The following UPP2 variants were observed in gnomAD, a reference collection of about 807,000 sequenced individuals.
UPP2 encodes UPase 2.
In UPP2, 23 loss-of-function variants were observed where a neutral mutation model predicts 26.7. That is an observed-to-expected ratio of 0.86 (90% CI 0.62 to 1.22). The LOEUF (loss-of-function observed/expected upper bound fraction) is 1.22. Among genes scored for constraint, UPP2 ranks in the 50% most tolerant of loss-of-function variants. The probability of loss-of-function intolerance (pLI) is 0.00; values close to 1 mark genes in which losing one functional copy is unlikely to be tolerated. For synonymous variants in UPP2, 127 were observed against 141.3 expected (o/e 0.90, Z 0.72); for missense variants, 387 against 396.7 (o/e 0.98, Z 0.21).
At chr2:158,020,096 A>T (rs1016975751) in intron 3 of UPP2, among the ~76,000 whole-genome samples, 9 of 152,188 alleles carry the variant, frequency 5.9e-5, no homozygotes, top group African/African-American at 2.2e-4. Flanking sequence ...TTAAAATATT[A>T]ATGCATTAAA....
At chr2:158,065,787 G>A (rs1278150789) in intron 3 of UPP2, 6 of 700,548 alleles carry the variant, frequency 8.6e-6, no homozygotes, top group Non-Finnish European at 2.6e-6. Context: ...CAACCAGATT[G>A]ATGACTGGTT....
intron 3 of UPP2, among the ~76,000 whole-genome samples, chr2:158,087,266 T>C (rs541544633): frequency 6.6e-6 from 1 of 152,340 alleles, no homozygotes; most frequent in Non-Finnish European, 1.5e-5. Flanking sequence ...TTTTAACTAC[T>C]GTTGCTTTAA....
At chr2:158,003,721 A>AT (rs951420594) in intron 2 of UPP2, among the ~76,000 whole-genome samples, 44 of 151,828 alleles carry the variant, frequency 2.9e-4, no homozygotes, top group East Asian at 1.2e-3. Context: ...AAATAAAAAA[A>AT]AAAAAAAAAG....
At chr2:158,073,821 T>A (rs1034882414) in intron 3 of UPP2, among the ~76,000 whole-genome samples, 1 of 152,224 alleles carries the variant, frequency 6.6e-6, no homozygotes, top group Admixed American at 6.5e-5. Flanking sequence ...AGATCTTTCC[T>A]ACAGCAAATG....
chr2:158,125,420 C>CT (rs11313905), intron 6 of UPP2, among the ~76,000 whole-genome samples: 5,974 of 142,476 alleles, frequency 0.042, 390 homozygotes, highest in African/African-American at 0.14. Context: ...TTTTTGTACT[C>CT]TTTTTTTTTT....
chr2:158,039,686 T>C (rs1684057984), intron 3 of UPP2, among the ~76,000 whole-genome samples: 1 of 152,248 alleles, frequency 6.6e-6, no homozygotes. Flanking sequence ...GCCATCTTTC[T>C]GGAAATGTAG....
intron 3 of UPP2, among the ~76,000 whole-genome samples, chr2:158,018,482 C>G (rs892135492): frequency 1.3e-5 from 2 of 152,218 alleles, no homozygotes; most frequent in African/African-American, 4.8e-5. Flanking sequence ...TCTCTCAGCT[C>G]CCATCCTTCT....
intron 2 of UPP2, among the ~76,000 whole-genome samples, chr2:158,012,403 G>A (rs548414665): frequency 4.0e-5 from 6 of 150,832 alleles, no homozygotes; most frequent in East Asian, 2.0e-4. Context: ...GAGTAGCTGC[G>A]ATTACAGGCA....
At chr2:158,088,810 G>A (rs761468076) in intron 3 of UPP2, among the ~76,000 whole-genome samples, 6 of 152,170 alleles carry the variant, frequency 3.9e-5, no homozygotes, top group African/African-American at 1.2e-4. Context: ...GCGAGTGTCC[G>A]CACAGAGTCC....
At chr2:158,017,385 G>C (rs1426962699) in intron 3 of UPP2, among the ~76,000 whole-genome samples, 2 of 152,068 alleles carry the variant, frequency 1.3e-5, no homozygotes, top group African/African-American at 4.8e-5. Flanking sequence ...GGGCAATACA[G>C]AAGTCATCTT....
chr2:158,059,952 A>G (rs969497612), intron 3 of UPP2, among the ~76,000 whole-genome samples: 24 of 152,138 alleles, frequency 1.6e-4, no homozygotes, highest in African/African-American at 5.8e-4. Context: ...GGGAGAATGC[A>G]TTTTGCTTAG....
At chr2:158,014,471 A>G (rs1683628719) in intron 2 of UPP2, among the ~76,000 whole-genome samples, 1 of 152,214 alleles carries the variant, frequency 6.6e-6, no homozygotes, top group African/African-American at 2.4e-5. Context: ...AATTTCCTTA[A>G]TAGTTTTCCA....
chr2:158,095,622 C>T (rs1191204802), intron 3 of UPP2, among the ~76,000 whole-genome samples: 1 of 152,142 alleles, frequency 6.6e-6, no homozygotes, highest in African/African-American at 2.4e-5. Context: ...TTTGATTTAA[C>T]CTCTCTAGGC....
upstream of UPP2, among the ~76,000 whole-genome samples, chr2:158,101,038 T>C (rs905440170): frequency 3.3e-5 from 5 of 152,156 alleles, no homozygotes; most frequent in Non-Finnish European, 7.4e-5. Flanking sequence ...AATCCAAGCA[T>C]ATTAGGAGGT....
chr2:158,123,731 T>A lies in UPP2; in HGVS notation c.665-18T>A. ...GGGTGGGACATCAAGTCACTAAACG[T>A]TCTCCCCTCCCTTTCAGGCCAAGGC... On this transcript the variant is annotated intron_variant, in intron 5 of 6. Coordinates refer to ENST00000005756, the MANE Select transcript of UPP2 (RefSeq NM_173355.4). 6.2e-7 allele frequency: 1 copy of A among 1,610,656 alleles called. No homozygotes were observed. Among genetic ancestry groups the A allele is most frequent in the Non-Finnish European group, 8.5e-7 (1 of 1,178,314 alleles).
intron 3 of UPP2, among the ~76,000 whole-genome samples, chr2:158,069,657 A>G (rs1038434118): frequency 6.6e-6 from 1 of 152,074 alleles, no homozygotes; most frequent in African/African-American, 2.4e-5. Context: ...TCTCCCTGAC[A>G]CCCTAGAGCG....
At chr2:158,104,607 T>C (rs1481792267) in intron 1 of UPP2, among the ~76,000 whole-genome samples, 1 of 151,916 alleles carries the variant, frequency 6.6e-6, no homozygotes, top group Non-Finnish European at 1.5e-5. Flanking sequence ...GGTAAAATGT[T>C]TTGAGGTGTA....
At chr2:158,000,472 C>A (rs1683388122) in intron 2 of UPP2, among the ~76,000 whole-genome samples, 1 of 152,196 alleles carries the variant, frequency 6.6e-6, no homozygotes, top group Admixed American at 6.5e-5. Flanking sequence ...CAAATGAGGT[C>A]ATCTCTTTTG....
At chr2:158,014,883 A>G (rs1271130039) in intron 2 of UPP2, among the ~76,000 whole-genome samples, 1 of 152,166 alleles carries the variant, frequency 6.6e-6, no homozygotes, top group African/African-American at 2.4e-5. Context: ...TTATATTCCA[A>G]AAGAATCCTT....
Sources: allele counts gnomAD v4.1 joint callset (sites outside exome capture counted in the v4.1 genomes callset), GRCh38; gene constraint gnomAD v4.1.1; transcripts MANE v1.5; gene names NCBI Gene and HGNC (gene_info 2026-07-23, HGNC 2026-07-21).